The following TDRD12 variants were observed in gnomAD, a reference collection of about 807,000 sequenced individuals.
TDRD12 encodes tudor domain containing 12.
Under a neutral mutation model 133.5 loss-of-function variants are expected in TDRD12, and 158 were observed. The observed-to-expected ratio is 1.18, with a 90% CI of 1.04 to 1.35. The LOEUF is 1.35. Ranked by LOEUF, TDRD12 falls within the 40% of genes most tolerant of loss-of-function variation. TDRD12 has a pLI of 0.00. For missense variants in TDRD12, 1,443 were observed against 1,321.3 expected (o/e 1.09, Z -1.43); for synonymous variants, 460 against 477.9 (o/e 0.96, Z 0.49).
chr19:32,814,262 T>C (rs1967102100), intron 25 of TDRD12, among the ~76,000 whole-genome samples: 1 of 152,126 alleles, frequency 6.6e-6, no homozygotes, highest in Non-Finnish European at 1.5e-5. Flanking sequence ...CAAGGACATG[T>C]GACTCACGGG....
chr19:32,770,962 G>A (rs1368296121), intron 8 of TDRD12, among the ~76,000 whole-genome samples: 3 of 152,106 alleles, frequency 2.0e-5, no homozygotes, highest in Non-Finnish European at 2.9e-5. Flanking sequence ...CTTTGTTCAC[G>A]TTGCTGTAAA....
intron 1 of TDRD12, among the ~76,000 whole-genome samples, chr19:32,724,477 T>C (rs1599819752): frequency 6.6e-6 from 1 of 152,158 alleles, no homozygotes; most frequent in South Asian, 2.1e-4. Context: ...ATACGGTGTT[T>C]GGTTTTCTGT....
At chr19:32,720,168 T>TCCCACC in intron 1 of TDRD12, 72 bp downstream of exon 1, 2 of 1,100,736 alleles carry the variant, frequency 1.8e-6, no homozygotes, top group Non-Finnish European at 2.3e-6. Flanking sequence ...GCGCACAGCC[T>TCCCACC]CCCACCCCCA....
At chr19:32,756,225 TTAATAATCTTAG>T in intron 7 of TDRD12, 44 bp downstream of exon 7, 1 of 1,367,306 alleles carries the variant, frequency 7.3e-7, no homozygotes, top group Non-Finnish European at 9.5e-7. Flanking sequence ...CATTGTTTTA[TTAATAATCTTAG>T]TGTATAGATA....
chr19:32,783,287 T>C (rs1970819154), intron 11 of TDRD12, among the ~76,000 whole-genome samples: 1 of 152,182 alleles, frequency 6.6e-6, no homozygotes, highest in Non-Finnish European at 1.5e-5. Context: ...TGTGTGGCGT[T>C]ATTTCTGAGG....
chr19:32,817,244 C>T (rs1183812683), intron 26 of TDRD12, among the ~76,000 whole-genome samples: 1 of 152,188 alleles, frequency 6.6e-6, no homozygotes, highest in Non-Finnish European at 1.5e-5. Flanking sequence ...ACTTGCTCAT[C>T]ATCTGGACAG....
At chr19:32,800,815 T>G (rs1431277185) in intron 18 of TDRD12, 43 bp downstream of exon 18, 2 of 1,483,194 alleles carry the variant, frequency 1.3e-6, no homozygotes, top group Non-Finnish European at 1.8e-6. Context: ...TTGTTTCAAC[T>G]GGTCGAATCT....
intron 1 of TDRD12, among the ~76,000 whole-genome samples, chr19:32,722,872 G>A (rs1330657340): frequency 1.3e-5 from 2 of 151,924 alleles, no homozygotes; most frequent in African/African-American, 4.8e-5. Context: ...TAGAGACGGG[G>A]TTTCAGCATC....
At chr19:32,770,535 C>T (rs1314723145) in intron 8 of TDRD12, among the ~76,000 whole-genome samples, 1 of 151,334 alleles carries the variant, frequency 6.6e-6, no homozygotes, top group Non-Finnish European at 1.5e-5. Context: ...TTCTAAACTC[C>T]TCTTTTCATT....
intron 13 of TDRD12, among the ~76,000 whole-genome samples, chr19:32,792,805 A>G (rs1365936595): frequency 6.6e-6 from 1 of 152,232 alleles, no homozygotes; most frequent in Non-Finnish European, 1.5e-5. Flanking sequence ...TGAAGGCTTC[A>G]AGAGAGATGA....
intron 1 of TDRD12, among the ~76,000 whole-genome samples, chr19:32,729,304 A>C (rs1484744185): frequency 7.1e-6 from 1 of 140,032 alleles, no homozygotes; most frequent in Non-Finnish European, 1.5e-5. Context: ...TGCAAGCTCC[A>C]CCACCCGGTT....
At chr19:32,739,253 G>A (rs1969317849) in intron 3 of TDRD12, among the ~76,000 whole-genome samples, 1 of 152,120 alleles carries the variant, frequency 6.6e-6, no homozygotes, top group Admixed American at 6.6e-5. Flanking sequence ...AGGTTCAGAT[G>A]GTGTTCTTTG....
chr19:32,794,406 A>G (rs1436384236), intron 13 of TDRD12, among the ~76,000 whole-genome samples: 2 of 151,956 alleles, frequency 1.3e-5, no homozygotes, highest in Non-Finnish European at 2.9e-5. Flanking sequence ...TGCCCTGCCT[A>G]GCAAGAATCT....
At chr19:32,736,532 G>T (rs1969229896) in intron 2 of TDRD12, among the ~76,000 whole-genome samples, 1 of 152,298 alleles carries the variant, frequency 6.6e-6, no homozygotes, top group Middle Eastern at 3.4e-3. Context: ...ACTATTCATG[G>T]TATTTCTACA....
At chr19:32,721,145 T>C (rs537797327) in intron 1 of TDRD12, among the ~76,000 whole-genome samples, 1 of 152,088 alleles carries the variant, frequency 6.6e-6, no homozygotes, top group East Asian at 2.0e-4. Context: ...TGCGTGGGCG[T>C]TGTTCTAGTC....
At chr19:32,787,309 C>T (rs1970936610) in intron 11 of TDRD12, among the ~76,000 whole-genome samples, 1 of 152,180 alleles carries the variant, frequency 6.6e-6, no homozygotes. Context: ...CCCAGAGGGA[C>T]ACCCACCTGT....
intron 1 of TDRD12, among the ~76,000 whole-genome samples, chr19:32,725,597 A>G (rs557859598): frequency 6.6e-6 from 1 of 152,282 alleles, no homozygotes; most frequent in African/African-American, 2.4e-5. Flanking sequence ...TACCAGTACC[A>G]TGCTGTTTTG....
chr19:32,727,606 C>A (rs564962477), intron 1 of TDRD12, among the ~76,000 whole-genome samples: 20 of 152,202 alleles, frequency 1.3e-4, no homozygotes, highest in African/African-American at 4.8e-4. Flanking sequence ...CCATTTAGGT[C>A]TTTGATCCAT....
At chr19:32,792,261 G>A (rs951787449) in intron 13 of TDRD12, among the ~76,000 whole-genome samples, 2 of 151,632 alleles carry the variant, frequency 1.3e-5, no homozygotes, top group Non-Finnish European at 2.9e-5. Flanking sequence ...AAAAAAGACC[G>A]AAACAAACTC....
Sources: allele counts gnomAD v4.1 joint callset (sites outside exome capture counted in the v4.1 genomes callset), GRCh38; gene constraint gnomAD v4.1.1; transcripts MANE v1.5; gene names NCBI Gene and HGNC (gene_info 2026-07-23, HGNC 2026-07-21).